The following GANC variants were observed in gnomAD, a reference collection of about 807,000 sequenced individuals.
GANC encodes neutral alpha-glucosidase C.
Under a neutral mutation model 124.2 loss-of-function variants are expected in GANC, and 117 were observed. The ratio of observed to expected loss-of-function variants is 0.94; its 90% CI spans 0.81 to 1.10. The LOEUF (loss-of-function observed/expected upper bound fraction) is 1.10, where lower values mean the gene tolerates loss of function less well. Ranked by LOEUF, GANC falls within the 50% of genes least tolerant of loss-of-function variation. GANC has a pLI of 0.00. For synonymous variants in GANC, 377 were observed against 376.8 expected (o/e 1.00, Z -0.01); for missense variants, 1,140 against 1,095.0 (o/e 1.04, Z -0.58).
At chr15:42,308,075 G>T (rs985457145) in intron 7 of GANC, 147 bp from the exon 8 acceptor site, 5 of 526,052 alleles carry the variant, frequency 9.5e-6, no homozygotes, top group African/African-American at 9.3e-5. Flanking sequence ...CTCACAGAGG[G>T]TCAGTACACA....
chr15:42,280,588 C>G (rs571901029), intron 3 of GANC, among the ~76,000 whole-genome samples: 3 of 152,262 alleles, frequency 2.0e-5, no homozygotes, highest in Admixed American at 2.0e-4. Flanking sequence ...TGTCAAGAAC[C>G]TTTCTGTCAA....
intron 3 of GANC, chr15:42,283,805 G>T (rs942797590): frequency 1.4e-6 from 1 of 702,492 alleles, no homozygotes; most frequent in South Asian, 1.5e-5. Context: ...TGTGTCTGCA[G>T]AAATGGCCAG....
Position 42,274,222 on chromosome 15 carries a change from A to AG in GANC, c.-260_-259insG, listed in dbSNP as rs2051626205. Reference sequence around the variant, plus strand: ...CCCAGTTTCGGTTCCTAACAAAAGCACGTTCCTCATCAGCCACCCATAATC... The same window carrying AG: ...CCCAGTTTCGGTTCCTAACAAAAGCAGCGTTCCTCATCAGCCACCCATAATC... On this transcript the variant is annotated 5_prime_UTR_variant, in exon 1 of 24. Transcript: ENST00000318010. The AG allele has an allele frequency of 2.1e-6, 1 of 465,392 alleles. No homozygotes were observed. The highest frequency in any genetic ancestry group is 2.0e-5 in the African/African-American group (1 of 49,874). 28.8% of individuals were successfully genotyped at this position (465,392 alleles called of 1,614,324 possible). A position where few individuals can be genotyped will look rare whatever the true frequency, so the allele number is the denominator to read the frequency against.
intron 23 of GANC, 131 bp downstream of exon 23, chr15:42,351,563 T>C (rs974750344): frequency 4.6e-6 from 3 of 645,760 alleles, no homozygotes; most frequent in Non-Finnish European, 8.2e-6. Flanking sequence ...AGGTGAAATA[T>C]ACTAGTCTGT....
At position 42,273,254 on chromosome 15, in the gene GANC, C is replaced by G. The variant is rs1195452782; in HGVS notation, c.-1228C>G. 1 of 1,614,002 alleles carries G rather than the reference C, an allele frequency of 6.2e-7. No individual in the cohort carries two copies. Among genetic ancestry groups the G allele is most frequent in the African/African-American group, 1.3e-5 (1 of 74,920 alleles). On this transcript the variant is annotated 5_prime_UTR_variant, in exon 1 of 24. Transcript: ENST00000318010. ...CAGACGTTAGTGAAGTGAATACTCACCGACGGTATCGGAATGTGCCATTTG... is the reference window on the plus strand; with the variant it reads ...CAGACGTTAGTGAAGTGAATACTCAGCGACGGTATCGGAATGTGCCATTTG...
At chr15:42,311,382 A>C (rs1287790208) in intron 10 of GANC, among the ~76,000 whole-genome samples, 1 of 152,244 alleles carries the variant, frequency 6.6e-6, no homozygotes, top group African/African-American at 2.4e-5. Context: ...ATGATCCTAT[A>C]TATAGAAAAT....
intron 4 of GANC, among the ~76,000 whole-genome samples, chr15:42,289,055 T>C (rs1350081858): frequency 6.6e-6 from 1 of 152,182 alleles, no homozygotes. Context: ...CTTGGTATGG[T>C]AAATATGGTA....
At chr15:42,318,134 A>G (rs535446911) in intron 10 of GANC, among the ~76,000 whole-genome samples, 90 of 152,204 alleles carry the variant, frequency 5.9e-4, no homozygotes, top group African/African-American at 1.6e-3. Context: ...CATCTGGACC[A>G]TTGTTCTCTA....
chr15:42,312,066 G>T (rs1267669091), intron 10 of GANC, among the ~76,000 whole-genome samples: 1 of 152,132 alleles, frequency 6.6e-6, no homozygotes, highest in African/African-American at 2.4e-5. Context: ...ATGTTCATAG[G>T]TTGGAAGGCA....
intron 15 of GANC, among the ~76,000 whole-genome samples, chr15:42,334,169 T>A (rs1483522051): frequency 1.3e-5 from 2 of 151,750 alleles, no homozygotes; most frequent in Admixed American, 6.6e-5. Context: ...TAAAATCTTT[T>A]TTTTTTTTTT....
At chr15:42,283,520 A>G (rs2051754562) in intron 3 of GANC, 3 of 631,722 alleles carry the variant, frequency 4.7e-6, no homozygotes, top group Non-Finnish European at 5.7e-6. Context: ...GCTAGCAAGG[A>G]TGTCTGGAGC....
chr15:42,317,949 C>G (rs1049128161), intron 10 of GANC, among the ~76,000 whole-genome samples: 2 of 152,256 alleles, frequency 1.3e-5, no homozygotes, highest in Non-Finnish European at 2.9e-5. Context: ...TTAGCTCAAT[C>G]ATATACCATA....
intron 3 of GANC, among the ~76,000 whole-genome samples, chr15:42,279,076 A>AAGTATAT (rs1225861720): frequency 6.6e-6 from 1 of 152,232 alleles, no homozygotes; most frequent in Non-Finnish European, 1.5e-5. Flanking sequence ...ATATGAATAT[A>AAGTATAT]AGTATATAGA....
rs1171381972 is a variant in GANC at position 42,294,422 on chromosome 15, A to G, written c.512+1505A>G. ...AACCCTGTCTCTAGTAAAAATACAAAAATTTAGCCAGGTATAGTGGCACAT... is the reference window on the plus strand; with the variant it reads ...AACCCTGTCTCTAGTAAAAATACAAGAATTTAGCCAGGTATAGTGGCACAT... On this transcript the variant is annotated intron_variant, in intron 5 of 23. Transcript: ENST00000318010. 2.6e-5 allele frequency among the ~76,000 whole-genome samples: 4 copies of G among 150,990 alleles called. No homozygotes were observed. The East Asian group carries it at 7.8e-4, about 29-fold the overall frequency.
At chr15:42,293,087 AT>A (rs2141027343) in intron 5 of GANC, among the ~76,000 whole-genome samples, 170 bp downstream of exon 5, 2 of 152,348 alleles carry the variant, frequency 1.3e-5, no homozygotes, top group South Asian at 4.1e-4. Context: ...TACAAGCTTT[AT>A]GACAAAAATA....
At chr15:42,329,558 G>A in intron 14 of GANC, 109 bp downstream of exon 14, 1 of 1,204,384 alleles carries the variant, frequency 8.3e-7, no homozygotes, top group Non-Finnish European at 1.1e-6. Flanking sequence ...TTCTCTTTGT[G>A]TGTCTTTTCT....
At chr15:42,319,846 C>A (rs941278855) in intron 10 of GANC, among the ~76,000 whole-genome samples, 2 of 152,140 alleles carry the variant, frequency 1.3e-5, no homozygotes, top group African/African-American at 4.8e-5. Context: ...CCAAAATGCT[C>A]CAATGAGCAT....
At chr15:42,304,144 TAACA>T (rs769851579) in intron 6 of GANC, among the ~76,000 whole-genome samples, 12 of 152,146 alleles carry the variant, frequency 7.9e-5, no homozygotes, top group Non-Finnish European at 1.8e-4. Context: ...ACGGAAATCA[TAACA>T]AACAGTTTTT....
At chr15:42,314,097 C>T (rs1356738162) in intron 10 of GANC, 7 of 728,444 alleles carry the variant, frequency 9.6e-6, no homozygotes, top group South Asian at 8.6e-5. Flanking sequence ...AGAAAAATAG[C>T]TCTCAGTCTG....
Sources: gnomAD v4.1 joint callset for allele counts (sites outside exome capture counted in the v4.1 genomes callset) on GRCh38, gnomAD v4.1.1 for gene constraint, MANE v1.5 for transcripts, NCBI Gene and HGNC (gene_info 2026-07-23, HGNC 2026-07-21) for gene names.